TOGARAM1: variants seen among roughly 807,000 people sequenced by gnomAD.
TOGARAM1 encodes TOG array regulator of axonemal microtubules protein 1.
TOGARAM1 carries 100 observed loss-of-function variants against 166.6 expected under a neutral mutation model. The observed-to-expected ratio is 0.60, with a 90% CI of 0.51 to 0.71. The LOEUF (loss-of-function observed/expected upper bound fraction) is 0.71. TOGARAM1 is among the 30% of genes least tolerant of loss of function. The pLI is 0.00. For missense variants in TOGARAM1, 2,029 were observed against 2,102.7 expected (o/e 0.96, Z 0.69); for synonymous variants, 758 against 763.8 (o/e 0.99, Z 0.13).
intron 16 of TOGARAM1, among the ~76,000 whole-genome samples, chr14:45,066,131 T>A (rs7155570): frequency 3.0e-4 from 46 of 152,310 alleles, no homozygotes; most frequent in African/African-American, 1.1e-3. Context: ...CAGCTCCCAG[T>A]GAAAACTCTA....
At chr14:45,029,365 G>T (rs1363077065) in intron 10 of TOGARAM1, among the ~76,000 whole-genome samples, 1 of 152,054 alleles carries the variant, frequency 6.6e-6, no homozygotes, top group African/African-American at 2.4e-5. Context: ...ATAAATTTGG[G>T]GTATTAATTC....
intron 3 of TOGARAM1, among the ~76,000 whole-genome samples, chr14:45,000,827 G>A (rs895060593): frequency 2.0e-5 from 3 of 151,976 alleles, no homozygotes; most frequent in African/African-American, 2.4e-5. Context: ...TCGACCTCCC[G>A]GGCTCAAGTG....
At chr14:45,071,881 C>A in intron 19 of TOGARAM1, 83 bp downstream of exon 19, 1 of 1,029,162 alleles carries the variant, frequency 9.7e-7, no homozygotes, top group Non-Finnish European at 1.4e-6. Flanking sequence ...TTTAGGATAG[C>A]TACCAACTTA....
At chr14:44,999,213 C>T in intron 2 of TOGARAM1, 150 bp from the exon 3 acceptor site, 1 of 607,722 alleles carries the variant, frequency 1.6e-6, no homozygotes, top group Non-Finnish European at 2.6e-6. Flanking sequence ...GTATCAAAAG[C>T]TGTATCCCTT....
chr14:45,068,773 C>A (rs1883251241), intron 18 of TOGARAM1, 130 bp downstream of exon 18: 1 of 591,232 alleles, frequency 1.7e-6, no homozygotes, highest in Non-Finnish European at 2.7e-6. Context: ...TATCATAAAA[C>A]TTTCTATTCT....
chr14:45,058,744 A>C (rs943298162), intron 16 of TOGARAM1, among the ~76,000 whole-genome samples: 3 of 152,128 alleles, frequency 2.0e-5, no homozygotes, highest in Non-Finnish European at 4.4e-5. Flanking sequence ...TTTGCATTCA[A>C]GGTTAATATT....
chr14:45,043,852 G>A (rs1881848628), intron 12 of TOGARAM1, 61 bp downstream of exon 12: 2 of 966,398 alleles, frequency 2.1e-6, no homozygotes, highest in Non-Finnish European at 1.6e-6. Context: ...AATATGCTAT[G>A]TTTATTTGAC....
chr14:44,990,799 T>TA lies in TOGARAM1; in HGVS notation c.2047-4939dup, dbSNP rs1457157914. Among the ~76,000 whole-genome samples, 4 of 151,726 alleles carry TA rather than the reference T, an allele frequency of 2.6e-5. No individual in the cohort carries two copies. In the East Asian group the frequency reaches 5.8e-4, roughly 22 times the overall value. On this transcript the variant is annotated intron_variant, in intron 1 of 19. Transcript: ENST00000361462. ...TTGTGTAGGCAGTTTACAGATATTT[T>TA]AAAAAAAACACTTTGGGTTTTTTTC...
intron 11 of TOGARAM1, among the ~76,000 whole-genome samples, chr14:45,036,710 G>A (rs2138931397): frequency 6.6e-6 from 1 of 152,316 alleles, no homozygotes; most frequent in African/African-American, 2.4e-5. Context: ...TGAAATCAAA[G>A]TATCAGCCAG....
intron 7 of TOGARAM1, among the ~76,000 whole-genome samples, chr14:45,014,263 T>A (rs1879988340): frequency 6.6e-6 from 1 of 152,082 alleles, no homozygotes; most frequent in African/African-American, 2.4e-5. Context: ...GCCAGGATGG[T>A]CATGATCCAC....
At chr14:45,054,653 A>G in intron 16 of TOGARAM1, 104 bp downstream of exon 16, 1 of 752,734 alleles carries the variant, frequency 1.3e-6, no homozygotes, top group Non-Finnish European at 2.2e-6. Context: ...CCAAAATTTA[A>G]TGGAGTTTTA....
chr14:44,973,258 T>C (rs943100836), intron 1 of TOGARAM1, among the ~76,000 whole-genome samples: 1 of 151,792 alleles, frequency 6.6e-6, no homozygotes, highest in Non-Finnish European at 1.5e-5. Flanking sequence ...TTTAAATTAC[T>C]TTTTTTTAGT....
intron 4 of TOGARAM1, 54 bp downstream of exon 4, chr14:45,004,420 G>C: frequency 1.4e-6 from 2 of 1,448,396 alleles, no homozygotes; most frequent in Non-Finnish European, 1.9e-6. Flanking sequence ...GTACTTTGAA[G>C]TTAATGCATA....
chr14:44,981,806 C>T (rs1025619401), intron 1 of TOGARAM1, among the ~76,000 whole-genome samples: 4 of 149,054 alleles, frequency 2.7e-5, no homozygotes, highest in Admixed American at 1.3e-4. Context: ...ATAGATTCTT[C>T]TATCCATCAG....
intron 2 of TOGARAM1, chr14:44,997,224 G>A (rs543159928): frequency 6.6e-6 from 1 of 152,144 alleles, no homozygotes; most frequent in South Asian, 2.1e-4. Context: ...TTGCCAACAT[G>A]GTGAAACCCC....
intron 9 of TOGARAM1, among the ~76,000 whole-genome samples, chr14:45,027,739 C>T (rs1279108877): frequency 1.3e-5 from 2 of 151,872 alleles, no homozygotes; most frequent in East Asian, 1.9e-4. Context: ...TACAGCCATG[C>T]GTGCCTATGG....
intron 7 of TOGARAM1, among the ~76,000 whole-genome samples, chr14:45,015,142 A>G (rs1045961920): frequency 2.0e-5 from 3 of 151,782 alleles, no homozygotes; most frequent in African/African-American, 7.3e-5. Context: ...AATCTCTATC[A>G]AAAAAATTAA....
intron 10 of TOGARAM1, among the ~76,000 whole-genome samples, chr14:45,031,673 T>G (rs1566649136): frequency 6.6e-6 from 1 of 152,224 alleles, no homozygotes; most frequent in Non-Finnish European, 1.5e-5. Flanking sequence ...TGTAGTTTTA[T>G]TAAATATAAT....
At chr14:45,011,830 G>A in intron 6 of TOGARAM1, 145 bp from the exon 7 acceptor site, 1 of 551,788 alleles carries the variant, frequency 1.8e-6, no homozygotes, top group South Asian at 2.8e-5. Context: ...CACACTGTTA[G>A]CCATAGTTTT....
Sources: gnomAD v4.1 joint callset for allele counts (sites outside exome capture counted in the v4.1 genomes callset) on GRCh38, gnomAD v4.1.1 for gene constraint, MANE v1.5 for transcripts, NCBI Gene and HGNC (gene_info 2026-07-23, HGNC 2026-07-21) for gene names.